The following PCSK2 variants were observed in gnomAD, a reference collection of about 807,000 sequenced individuals.
The protein encoded by PCSK2 is proprotein convertase subtilisin/kexin type 2.
PCSK2 carries 14 observed loss-of-function variants against 69.7 expected under a neutral mutation model. The ratio of observed to expected loss-of-function variants is 0.20; its 90% CI spans 0.13 to 0.31. The LOEUF is 0.31. Among genes scored for constraint, PCSK2 ranks in the 10% least tolerant of loss-of-function variants. The pLI is 1.00. For missense variants in PCSK2, 544 were observed against 842.5 expected (o/e 0.65, Z 4.39); for synonymous variants, 307 against 320.7 (o/e 0.96, Z 0.46).
intron 1 of PCSK2, among the ~76,000 whole-genome samples, chr20:17,241,024 T>C (rs1986549473): frequency 1.3e-5 from 2 of 152,240 alleles, no homozygotes; most frequent in South Asian, 4.1e-4. Context: ...AACGAATGTC[T>C]TTCTAGGATC....
Position 17,227,289 on chromosome 20 carries a change from T to C in PCSK2, c.-17T>C, listed in dbSNP as rs778234566. 16 of 1,611,900 alleles carry C rather than the reference T, an allele frequency of 9.9e-6. 1 individual carries two copies. In the South Asian group the frequency reaches 1.8e-4, roughly 18 times the overall value. The stretch of plus-strand genomic sequence containing the variant: ...GCCTGCGCGCCTCCTAGCACCACTT[T>C]TCACTCCCAAAGAAGGATGAAGGGT... On this transcript the variant is annotated 5_prime_UTR_variant, in exon 1 of 12. Coordinates refer to ENST00000262545, the MANE Select transcript of PCSK2 (RefSeq NM_002594.5).
chr20:17,420,825 T>A (rs1444931459), intron 6 of PCSK2, among the ~76,000 whole-genome samples: 1 of 152,196 alleles, frequency 6.6e-6, no homozygotes, highest in Admixed American at 6.5e-5. Flanking sequence ...AAACAGGGAC[T>A]AAAGCTCCCA....
At chr20:17,409,201 G>A in intron 5 of PCSK2, 62 bp from the exon 6 acceptor site, 1 of 1,270,578 alleles carries the variant, frequency 7.9e-7, no homozygotes, top group Non-Finnish European at 1.2e-6. Flanking sequence ...AAGTCTCCCA[G>A]CGCTTTCCCT....
At chr20:17,297,566 G>A (rs1988936221) in intron 2 of PCSK2, among the ~76,000 whole-genome samples, 1 of 152,224 alleles carries the variant, frequency 6.6e-6, no homozygotes, top group Non-Finnish European at 1.5e-5. Context: ...GTTGCCATGG[G>A]TCTCTTTCCA....
rs1600411175 is a variant in PCSK2 at position 17,251,420 on chromosome 20, T to C, written c.178-8820T>C. Among the ~76,000 whole-genome samples, 3 of 152,332 alleles carry C rather than the reference T, an allele frequency of 2.0e-5. No individual in the cohort carries two copies. In the South Asian group the frequency reaches 6.2e-4, roughly 32 times the overall value. ...AGGAACTAAATCACAAAAGCTACAA[T>C]GTTCTAAAAAATTTTTATTCACAGA... On this transcript the variant is annotated intron_variant, in intron 1 of 11. Transcript: ENST00000262545.
chr20:17,341,901 C>T (rs1350500338), intron 2 of PCSK2, among the ~76,000 whole-genome samples: 1 of 152,214 alleles, frequency 6.6e-6, no homozygotes, highest in Non-Finnish European at 1.5e-5. Flanking sequence ...TCTCAATACT[C>T]ACATGTGCAA....
Position 17,484,402 on chromosome 20 carries a change from T to C in PCSK2, c.*2332T>C, listed in dbSNP as rs2033460337. On this transcript the variant is annotated 3_prime_UTR_variant, in exon 12 of 12. Transcript: ENST00000262545. ...TGTCTCGCTAGTGATGTTTTTATGA[T>C]ATCCCTGATCCTAACTGAAGAGACA... is the stretch of plus-strand genomic sequence containing the variant. 1 of 152,582 alleles carries C rather than the reference T, an allele frequency of 6.6e-6. No individual in the cohort carries two copies. The highest frequency in any genetic ancestry group is 2.4e-5 in the African/African-American group (1 of 41,458). 9.5% of individuals were successfully genotyped at this position (152,582 alleles called of 1,614,324 possible).
At chr20:17,402,613 A>G (rs909254354) in intron 5 of PCSK2, among the ~76,000 whole-genome samples, 1 of 140,420 alleles carries the variant, frequency 7.1e-6, no homozygotes, top group Non-Finnish European at 1.5e-5. Flanking sequence ...GTGAGCTGAG[A>G]TTATGCCCCC....
At chr20:17,447,889 A>G (rs1173828154) in intron 8 of PCSK2, among the ~76,000 whole-genome samples, 1 of 152,154 alleles carries the variant, frequency 6.6e-6, no homozygotes, top group Non-Finnish European at 1.5e-5. Flanking sequence ...AAGTTGATCT[A>G]TTTTTATTAT....
At chr20:17,405,401 C>G (rs1423260294) in intron 5 of PCSK2, among the ~76,000 whole-genome samples, 1 of 152,132 alleles carries the variant, frequency 6.6e-6, no homozygotes, top group Non-Finnish European at 1.5e-5. Context: ...ATCTCAGGAG[C>G]CTCAGAAGCT....
intron 8 of PCSK2, among the ~76,000 whole-genome samples, chr20:17,440,220 T>C (rs566364962): frequency 6.6e-6 from 1 of 152,304 alleles, no homozygotes; most frequent in Admixed American, 6.5e-5. Context: ...ACAGCCCACC[T>C]GGGAGAGTGA....
intron 5 of PCSK2, among the ~76,000 whole-genome samples, chr20:17,379,708 A>G (rs2031034405): frequency 6.6e-6 from 1 of 152,212 alleles, no homozygotes; most frequent in Non-Finnish European, 1.5e-5. Context: ...ATGATGAGAT[A>G]TCACTCTTAC....
At chr20:17,272,894 T>C (rs1258030887) in intron 2 of PCSK2, among the ~76,000 whole-genome samples, 1 of 152,098 alleles carries the variant, frequency 6.6e-6, no homozygotes, top group African/African-American at 2.4e-5. Flanking sequence ...GAGAAATCAG[T>C]TTATTTGCCA....
intron 6 of PCSK2, among the ~76,000 whole-genome samples, chr20:17,425,472 T>C (rs949421347): frequency 1.4e-4 from 21 of 152,228 alleles, no homozygotes; most frequent in Non-Finnish European, 4.4e-5. Flanking sequence ...TCTCTTTTTG[T>C]GGGATCCTTC....
intron 2 of PCSK2, among the ~76,000 whole-genome samples, chr20:17,266,665 C>G (rs1987615840): frequency 6.6e-6 from 1 of 152,132 alleles, no homozygotes; most frequent in Admixed American, 6.5e-5. Flanking sequence ...GAAGAGAACA[C>G]TGGGCAAAGG....
intron 2 of PCSK2, among the ~76,000 whole-genome samples, chr20:17,294,873 T>C (rs1988835533): frequency 6.6e-6 from 1 of 152,180 alleles, no homozygotes; most frequent in Admixed American, 6.5e-5. Context: ...CTTCTCAAAC[T>C]CTTATTACAT....
chr20:17,387,018 C>A (rs1184494690), intron 5 of PCSK2, among the ~76,000 whole-genome samples: 1 of 152,164 alleles, frequency 6.6e-6, no homozygotes, highest in Non-Finnish European at 1.5e-5. Flanking sequence ...GTTAAGATCT[C>A]TGTCTTTAAG....
chr20:17,324,747 G>C (rs1989988770), intron 2 of PCSK2, among the ~76,000 whole-genome samples: 1 of 152,282 alleles, frequency 6.6e-6, no homozygotes, highest in South Asian at 2.1e-4. Flanking sequence ...GGAGCTGTGG[G>C]CTTGATATGC....
intron 5 of PCSK2, among the ~76,000 whole-genome samples, chr20:17,383,269 C>T (rs1006451699): frequency 6.6e-6 from 1 of 152,176 alleles, no homozygotes; most frequent in African/African-American, 2.4e-5. Flanking sequence ...TATGCTTCTC[C>T]TTATTTATAC....
Sources: allele counts gnomAD v4.1 joint callset (sites outside exome capture counted in the v4.1 genomes callset), GRCh38; gene constraint gnomAD v4.1.1; transcripts MANE v1.5; gene names NCBI Gene and HGNC (gene_info 2026-07-23, HGNC 2026-07-21).